The following HPSE2 variants were observed in gnomAD, a reference collection of about 807,000 sequenced individuals.
HPSE2 encodes inactive heparanase-2.
HPSE2 carries 38 observed loss-of-function variants against 60.5 expected under a neutral mutation model. The ratio of observed to expected loss-of-function variants is 0.63; its 90% CI spans 0.48 to 0.82. The LOEUF (loss-of-function observed/expected upper bound fraction) is 0.82, where lower values mean the gene tolerates loss of function less well. Among genes scored for constraint, HPSE2 ranks in the 40% least tolerant of loss-of-function variants. The pLI is 0.00. For missense variants in HPSE2, 713 were observed against 740.4 expected (o/e 0.96, Z 0.43); for synonymous variants, 295 against 293.2 (o/e 1.01, Z -0.06).
intron 3 of HPSE2, among the ~76,000 whole-genome samples, chr10:99,009,238 T>C (rs1469134253): frequency 6.1e-5 from 2 of 33,044 alleles, no homozygotes; most frequent in Non-Finnish European, 1.1e-4. Flanking sequence ...GCCCAGTGTC[T>C]ACAAAAAAAA....
chr10:99,010,458 G>T (rs1956987165), intron 3 of HPSE2, among the ~76,000 whole-genome samples: 1 of 152,150 alleles, frequency 6.6e-6, no homozygotes, highest in African/African-American at 2.4e-5. Flanking sequence ...TGATTCCAGA[G>T]ATCAGAATTA....
intron 9 of HPSE2, among the ~76,000 whole-genome samples, chr10:98,566,708 A>G (rs1386346790): frequency 6.6e-6 from 1 of 152,138 alleles, no homozygotes; most frequent in African/African-American, 2.4e-5. Context: ...GAGCTGGGGA[A>G]AACTTGCCCC....
chr10:98,850,984 T>C (rs1026759555), intron 3 of HPSE2, among the ~76,000 whole-genome samples: 2 of 152,166 alleles, frequency 1.3e-5, no homozygotes, highest in African/African-American at 4.8e-5. Context: ...GGATTAAAAA[T>C]GACTCTAAAA....
intron 3 of HPSE2, among the ~76,000 whole-genome samples, chr10:98,982,935 C>T (rs1323150053): frequency 2.6e-5 from 4 of 152,122 alleles, no homozygotes; most frequent in African/African-American, 4.8e-5. Context: ...AAGACTAGTT[C>T]GGGAGACATT....
At chr10:98,764,557 T>C (rs868047573) in intron 3 of HPSE2, among the ~76,000 whole-genome samples, 24 of 152,148 alleles carry the variant, frequency 1.6e-4, no homozygotes, top group African/African-American at 4.3e-4. Flanking sequence ...TATAAATAGG[T>C]TAAAAGGATG....
chr10:98,570,412 A>G (rs609234), intron 9 of HPSE2, among the ~76,000 whole-genome samples: 129,002 of 151,614 alleles, frequency 0.85, 56,107 homozygotes, highest in East Asian at 1. Context: ...TGCCTGCTTC[A>G]GAACTTTCCC....
the HPSE2 span, among the ~76,000 whole-genome samples, chr10:99,294,616 G>A: frequency 2.0e-5 from 3 of 151,576 alleles, no homozygotes; most frequent in African/African-American, 4.8e-5. Flanking sequence ...AATCTACTGG[G>A]AGAGATATTT....
At chr10:99,005,225 C>T (rs764665233) in intron 3 of HPSE2, among the ~76,000 whole-genome samples, 3 of 150,424 alleles carry the variant, frequency 2.0e-5, no homozygotes, top group Non-Finnish European at 4.4e-5. Context: ...TTTTCTGTTA[C>T]TATTTCTTTC....
At chr10:98,548,539 C>G (rs560552042) in intron 9 of HPSE2, among the ~76,000 whole-genome samples, 3 of 151,910 alleles carry the variant, frequency 2.0e-5, no homozygotes, top group South Asian at 4.2e-4. Flanking sequence ...ATCACTTGAA[C>G]CTGGGAGAGA....
rs1948195878 is a variant in HPSE2 at position 98,695,743 on chromosome 10, T to C, written c.957-1796A>G. Among the ~76,000 whole-genome samples, 4 of 152,244 alleles carry C rather than the reference T, an allele frequency of 2.6e-5. No homozygotes were observed. The South Asian group carries it at 8.3e-4, about 32-fold the overall frequency. ...TGGATTTCTCTTCCTCTTTATCTCA[T>C]CTCCTTTCCCCAGCCCAGGACAATC... is the stretch of plus-strand genomic sequence containing the variant. On this transcript the variant is annotated intron_variant, in intron 5 of 11. Transcript: ENST00000370552.
At chr10:99,228,223 G>A (rs1353713734) in intron 2 of HPSE2, among the ~76,000 whole-genome samples, 2 of 152,104 alleles carry the variant, frequency 1.3e-5, no homozygotes, top group African/African-American at 2.4e-5. Flanking sequence ...GTAATAAAAG[G>A]TATATGGAAA....
chr10:98,688,678 G>A (rs1244244947), intron 6 of HPSE2, among the ~76,000 whole-genome samples: 1 of 151,340 alleles, frequency 6.6e-6, no homozygotes, highest in Non-Finnish European at 1.5e-5. Flanking sequence ...GTTTCACCAT[G>A]TTTATCAGGC....
At chr10:99,280,172 C>CAA in the HPSE2 span, among the ~76,000 whole-genome samples, 65 of 152,228 alleles carry the variant, frequency 4.3e-4, no homozygotes, top group Non-Finnish European at 8.4e-4. Context: ...TTGTGAATAT[C>CAA]ACAGATTTGT....
At chr10:99,088,695 C>T (rs1843411287) in intron 3 of HPSE2, among the ~76,000 whole-genome samples, 1 of 152,092 alleles carries the variant, frequency 6.6e-6, no homozygotes, top group Non-Finnish European at 1.5e-5. Context: ...CGTATAATGA[C>T]TTATTTTCCT....
chr10:98,985,904 C>T (rs185369771), intron 3 of HPSE2, among the ~76,000 whole-genome samples: 1 of 152,170 alleles, frequency 6.6e-6, no homozygotes, highest in African/African-American at 2.4e-5. Context: ...AAGGCCATTA[C>T]ATAATGGTAA....
intron 3 of HPSE2, among the ~76,000 whole-genome samples, chr10:99,098,368 T>C (rs1420415375): frequency 6.6e-6 from 1 of 152,194 alleles, no homozygotes; most frequent in Non-Finnish European, 1.5e-5. Context: ...TTGGGCACCC[T>C]CAGATTTTGG....
At chr10:98,564,698 C>T (rs1944289216) in intron 9 of HPSE2, among the ~76,000 whole-genome samples, 1 of 152,184 alleles carries the variant, frequency 6.6e-6, no homozygotes, top group Non-Finnish European at 1.5e-5. Flanking sequence ...TTTAGTTAAA[C>T]TAAACCAAAC....
intron 9 of HPSE2, among the ~76,000 whole-genome samples, chr10:98,525,664 G>A (rs1942944062): frequency 6.6e-6 from 1 of 152,180 alleles, no homozygotes; most frequent in African/African-American, 2.4e-5. Flanking sequence ...CCTCTGGGCT[G>A]TTGTGGTGAC....
At chr10:99,117,638 C>T (rs984922098) in intron 3 of HPSE2, among the ~76,000 whole-genome samples, 2 of 151,942 alleles carry the variant, frequency 1.3e-5, no homozygotes, top group Non-Finnish European at 2.9e-5. Flanking sequence ...AATTTCTGTA[C>T]ACATACACCC....
Sources: allele counts gnomAD v4.1 joint callset (sites outside exome capture counted in the v4.1 genomes callset), GRCh38; gene constraint gnomAD v4.1.1; transcripts MANE v1.5; gene names NCBI Gene and HGNC (gene_info 2026-07-23, HGNC 2026-07-21).